The following RANGAP1 variants were observed in gnomAD, a reference collection of about 807,000 sequenced individuals.
The protein encoded by RANGAP1 is Ran GTPase activating protein 1.
Under a neutral mutation model 63.5 loss-of-function variants are expected in RANGAP1, and 38 were observed. The ratio of observed to expected loss-of-function variants is 0.60; its 90% confidence interval spans 0.46 to 0.78. RANGAP1 has a LOEUF of 0.78. RANGAP1 is among the 30% of genes least tolerant of loss of function. The pLI is 0.00. For synonymous variants in RANGAP1, 329 were observed against 310.5 expected (o/e 1.06, Z -0.63); for missense variants, 630 against 740.3 (o/e 0.85, Z 1.73).
At chr22:41,290,695 G>A (rs761853648), upstream of RANGAP1, among the ~76,000 whole-genome samples, 1 of 152,206 alleles carries the variant, frequency 6.6e-6, no homozygotes, top group South Asian at 2.1e-4. Flanking sequence ...CCTCTGATTA[G>A]TCTGGTTTAC....
intron 15 of RANGAP1, 70 bp downstream of exon 15, chr22:41,249,259 CG>C: frequency 6.6e-7 from 1 of 1,505,320 alleles, no homozygotes; most frequent in Non-Finnish European, 8.8e-7. Context: ...CTCCCGGAAC[CG>C]GGCGCCTTCA....
In RANGAP1 at chr22:41,257,863, C is replaced by T; in HGVS notation, c.774+85G>A. Reference sequence around the variant, plus strand: ...CAGGCAGGGGGTAGAGGAGTCCCTGCTAAACGGAGCCCCAGCTTCCCTGGA... The same window carrying T: ...CAGGCAGGGGGTAGAGGAGTCCCTGTTAAACGGAGCCCCAGCTTCCCTGGA... On this transcript the variant is annotated intron_variant, in intron 7 of 15. Transcript: ENST00000356244. This position sits in a 1 kb window ranked among gnomAD's most constrained non-coding sequence, Gnocchi z 4.0. The T allele has an allele frequency of 6.8e-7, 1 of 1,469,170 alleles. No individual in the cohort carries two copies. Among genetic ancestry groups the T allele is most frequent in the Non-Finnish European group, 9.2e-7 (1 of 1,084,898 alleles). 91.0% of individuals were successfully genotyped at this position (1,469,170 alleles called of 1,614,324 possible).
In RANGAP1 at chr22:41,274,628, T is replaced by C; in HGVS notation, c.212A>G (p.Lys71Arg). ...CAACTCCGACTTCTTCTCTAAGGCC[T>C]TGGCGATGACCCTGGCTGCTTCCAC... The part of the protein sequence containing the change: ...VGVEAARVIA[K>R]ALEKKSELKR... The change falls in exon 3 of 16, where the codon AAG (lysine) becomes AGG (arginine). Residue 71 changes from lysine (K) to arginine (R), a missense_variant. Around this residue, in one of 3 missense-constraint regions of RANGAP1, gnomAD observed 137 missense variants for 214.3 expected, o/e 0.64. Coordinates refer to ENST00000356244, the MANE Select transcript of RANGAP1 (RefSeq NM_002883.4). The C allele has an allele frequency of 6.2e-6, 10 of 1,614,186 alleles. No homozygotes were observed. Among genetic ancestry groups the C allele is most frequent in the Non-Finnish European group, 8.5e-6 (10 of 1,180,020 alleles).
chr22:41,270,431 G>A (rs2034736591), intron 3 of RANGAP1, among the ~76,000 whole-genome samples: 1 of 152,192 alleles, frequency 6.6e-6, no homozygotes, highest in Non-Finnish European at 1.5e-5. Context: ...AGGCATGAGA[G>A]CCACCATGCC....
the RANGAP1 span, among the ~76,000 whole-genome samples, chr22:41,294,335 G>C: frequency 4.6e-5 from 7 of 152,210 alleles, no homozygotes; most frequent in Non-Finnish European, 8.8e-5. Context: ...ATTGCAGACG[G>C]AGTCTCGTTC....
rs149544782 is a variant in RANGAP1, at chr22:41,246,619, G to A, written c.1748C>T (p.Thr583Met). The change falls in exon 16 of 16, where the codon ACG becomes ATG. Residue 583 changes from threonine (T) to methionine (M), a missense_variant. Physicochemically the swap from Thr to Met is moderately conservative, Grantham distance 81 (BLOSUM62 -1). Transcript: ENST00000356244. ...CSFARHSLLQ[T>M]LYKV The stretch of plus-strand genomic sequence containing the variant: ...GCTTTGAGTCTAGACCTTGTACAGC[G>A]TCTGCAGCAGACTGTGGCGGGCGAA... 6.3e-6 allele frequency: 10 copies of A among 1,579,880 alleles called. No homozygotes were observed. Among genetic ancestry groups the A allele is most frequent in the African/African-American group, 5.4e-5 (4 of 74,452 alleles).
rs1305287818 is a variant in RANGAP1 at position 41,268,156 on chromosome 22, G to A, written c.241C>T (p.Arg81Cys). Residue 81 changes from arginine to cysteine, a missense_variant and splice_region_variant, in exon 4 of 16, where the codon CGC (arginine) becomes TGC (cysteine). Coordinates refer to ENST00000356244, the MANE Select transcript of RANGAP1 (RefSeq NM_002883.4). ...GTGAACATGTCACTCCAGTGGCAGCGCTGCAACGGAAAGAAGAGAAGAGTT... is the reference window on the plus strand; with the variant it reads ...GTGAACATGTCACTCCAGTGGCAGCACTGCAACGGAAAGAAGAGAAGAGTT... ...KALEKKSELK[R>C]CHWSDMFTGR... 8 of 1,550,254 alleles carry A rather than the reference G, an allele frequency of 5.2e-6. No individual in the cohort carries two copies. The highest frequency in any genetic ancestry group is 2.4e-5 in the East Asian group (1 of 41,274).
Position 41,252,904 on chromosome 22 carries a change from C to T in RANGAP1, c.1348G>A (p.Gly450Arg). ...GCTATCAGCACGGAGCTCTTGGGCC[C>T]TAGGCGCAGCAGCTTCTCTGGAGAG... is the stretch of plus-strand genomic sequence containing the variant. ...FPSPEKLLRL[G>R]PKSSVLIAQQ... Residue 450 changes from glycine (G) to arginine (R), a missense_variant, in exon 12 of 16, where the codon GGG becomes AGG. This residue lies in a region of RANGAP1 where 428 missense variants were observed against 465.5 expected (regional missense o/e 0.92). Coordinates refer to ENST00000356244, the MANE Select transcript of RANGAP1 (RefSeq NM_002883.4). 6.4e-7 allele frequency: 1 copy of T among 1,573,488 alleles called. No individual in the cohort carries two copies. Among genetic ancestry groups the T allele is most frequent in the South Asian group, 1.1e-5 (1 of 87,626 alleles).
At chr22:41,263,691 C>A (rs2034301444) in intron 5 of RANGAP1, among the ~76,000 whole-genome samples, 1 of 152,214 alleles carries the variant, frequency 6.6e-6, no homozygotes, top group Non-Finnish European at 1.5e-5. Context: ...CCGTGCCCGG[C>A]CCATTTTTAC....
chr22:41,249,936 A>G (rs2033325856), intron 13 of RANGAP1, 119 bp from the exon 14 acceptor site: 2 of 827,278 alleles, frequency 2.4e-6, no homozygotes, highest in Non-Finnish European at 4.0e-6. Context: ...GCCCTGACGA[A>G]GAGGCGAACA....
intron 3 of RANGAP1, among the ~76,000 whole-genome samples, chr22:41,272,735 T>G (rs1344557137): frequency 3.3e-5 from 5 of 152,082 alleles, no homozygotes; most frequent in Non-Finnish European, 7.4e-5. Flanking sequence ...AGGATGGTCT[T>G]GATCTCTTGA....
chr22:41,282,721 C>T (rs2035557739), intron 1 of RANGAP1, among the ~76,000 whole-genome samples: 1 of 152,166 alleles, frequency 6.6e-6, no homozygotes, highest in Non-Finnish European at 1.5e-5. Flanking sequence ...TTAAATGTCT[C>T]AATGTGTACT....
chr22:41,249,504 C>A, intron 14 of RANGAP1, 53 bp from the exon 15 acceptor site: 1 of 1,608,366 alleles, frequency 6.2e-7, no homozygotes, highest in East Asian at 2.2e-5. Context: ...CCTGGGGGGG[C>A]CCCTGGACTC....
the RANGAP1 span, among the ~76,000 whole-genome samples, chr22:41,297,685 G>A: frequency 8.0e-6 from 1 of 125,024 alleles, no homozygotes; most frequent in African/African-American, 2.9e-5. Context: ...ACCACACCTG[G>A]CTTTTTTTTT....
intron 12 of RANGAP1, 109 bp downstream of exon 12, chr22:41,252,763 C>T (rs2033553296): frequency 7.8e-7 from 1 of 1,289,006 alleles, no homozygotes; most frequent in Non-Finnish European, 1.0e-6. Context: ...CCTCCCTGCC[C>T]CCAGCTGACA....
At chr22:41,260,875 C>A (rs563585750) in intron 6 of RANGAP1, among the ~76,000 whole-genome samples, 2 of 152,206 alleles carry the variant, frequency 1.3e-5, no homozygotes, top group South Asian at 4.1e-4. Flanking sequence ...GGGAGACAGA[C>A]CCCAAAGTTT....
rs573645993 is a variant in RANGAP1, at chr22:41,284,348, A to G, written c.-39+1638T>C. ...TTTGGGAGGCTGAGGTGGGTGGATT[A>G]CCTGAGGTCGGGAGTTCGAGACCAC... On this transcript the variant is annotated intron_variant, in intron 1 of 15. Coordinates refer to ENST00000356244, the MANE Select transcript of RANGAP1 (RefSeq NM_002883.4). 9.2e-5 allele frequency among the ~76,000 whole-genome samples: 14 copies of G among 151,428 alleles called. No homozygotes were observed. The South Asian group carries it at 2.7e-3, about 29-fold the overall frequency.
the RANGAP1 span, among the ~76,000 whole-genome samples, chr22:41,300,148 G>A: frequency 1.3e-5 from 2 of 151,940 alleles, no homozygotes; most frequent in Non-Finnish European, 2.9e-5. Context: ...AATTGAACAA[G>A]TTGGTACCAA....
intron 3 of RANGAP1, among the ~76,000 whole-genome samples, chr22:41,269,434 T>C (rs1241181353): frequency 1.3e-5 from 2 of 152,094 alleles, no homozygotes; most frequent in African/African-American, 2.4e-5. Flanking sequence ...CTATTATATA[T>C]TTCAAAATAC....
Sources: gnomAD v4.1 joint callset for allele counts (sites outside exome capture counted in the v4.1 genomes callset) on GRCh38, gnomAD v4.1.1 for gene constraint, gnomAD v4.1.1 regional missense constraint, Gnocchi (gnomAD v3.1) non-coding constraint, MANE v1.5 for transcripts, NCBI Gene and HGNC (gene_info 2026-07-23, HGNC 2026-07-21) for gene names.